FHOD3: variants seen among roughly 807,000 people sequenced by gnomAD.
FHOD3 encodes the protein FH1/FH2 domain-containing protein 3.
In FHOD3, 90 loss-of-function variants were observed where a neutral mutation model predicts 173.0. The observed-to-expected ratio is 0.52, with a 90% CI of 0.44 to 0.62. The LOEUF (loss-of-function observed/expected upper bound fraction) is 0.62, where lower values mean the gene tolerates loss of function less well. Among genes scored for constraint, FHOD3 ranks in the 20% least tolerant of loss-of-function variants. The probability of loss-of-function intolerance (pLI) is 0.00; values close to 1 mark genes in which losing one functional copy is unlikely to be tolerated. For synonymous variants in FHOD3, 828 were observed against 823.0 expected (o/e 1.01, Z -0.10); for missense variants, 1,945 against 2,034.7 (o/e 0.96, Z 0.85).
chr18:36,760,641 C>G lies in FHOD3; in HGVS notation c.4483C>G (p.Pro1495Ala), dbSNP rs199888159. ...GTTCTCCGGCAGTTCTCCGGCGCCC[C>G]CAAGCCAGCCGCAGGGTCTGAGCTA... ...GKFSGSSPAPPSQPQGLSYAE... is the reference protein window; with the variant it reads ...GKFSGSSPAPASQPQGLSYAE... Residue 1495 changes from proline (P) to alanine (A), a missense_variant, in exon 27 of 29, where the codon CCA becomes GCA. Physicochemically the swap from Pro to Ala is conservative, Grantham distance 27. This residue lies in a region of FHOD3 where 354 missense variants were observed against 359.9 expected (regional missense o/e 0.98). Coordinates refer to ENST00000590592, the MANE Select transcript of FHOD3 (RefSeq NM_001281740.3). 167 of 1,594,304 alleles carry G rather than the reference C, an allele frequency of 1.0e-4. No individual in the cohort carries two copies. The highest frequency in any genetic ancestry group is 5.5e-5 in the Non-Finnish European group (64 of 1,168,902).
At chr18:36,766,492 G>A (rs2043142935) in intron 27 of FHOD3, among the ~76,000 whole-genome samples, 1 of 152,134 alleles carries the variant, frequency 6.6e-6, no homozygotes. Flanking sequence ...TGGTCCCTTG[G>A]GTATGTAAAA....
chr18:36,630,112 A>G (rs2034405246), intron 10 of FHOD3, among the ~76,000 whole-genome samples: 1 of 152,292 alleles, frequency 6.6e-6, no homozygotes, highest in South Asian at 2.1e-4. Flanking sequence ...TGTTTTGGCT[A>G]TTGGAAAGGG....
chr18:36,643,221 A>G (rs2035457097), intron 10 of FHOD3, among the ~76,000 whole-genome samples: 1 of 152,072 alleles, frequency 6.6e-6, no homozygotes, highest in Non-Finnish European at 1.5e-5. Context: ...ATCCTAGTAC[A>G]CTGGTGCTTC....
At chr18:36,330,077 C>G (rs1261867238) in intron 1 of FHOD3, among the ~76,000 whole-genome samples, 2 of 152,122 alleles carry the variant, frequency 1.3e-5, no homozygotes, top group Non-Finnish European at 2.9e-5. Flanking sequence ...GCTTAGCATA[C>G]CCCCTGTACA....
chr18:36,461,827 T>A (rs1244852211), intron 3 of FHOD3, among the ~76,000 whole-genome samples: 1 of 152,132 alleles, frequency 6.6e-6, no homozygotes, highest in Non-Finnish European at 1.5e-5. Context: ...AAGGGGGTGA[T>A]GTAGTGGAAA....
chr18:36,772,756 G>C (rs1204594080), intron 28 of FHOD3, among the ~76,000 whole-genome samples: 1 of 152,178 alleles, frequency 6.6e-6, no homozygotes, highest in Non-Finnish European at 1.5e-5. Flanking sequence ...GCCAATCAGG[G>C]GCACATTGAG....
At chr18:36,558,786 T>C (rs1298147828) in intron 5 of FHOD3, among the ~76,000 whole-genome samples, 1 of 152,228 alleles carries the variant, frequency 6.6e-6, no homozygotes, top group Admixed American at 6.5e-5. Flanking sequence ...ATTAAAAATA[T>C]GTTAAAATAG....
At chr18:36,659,725 T>C (rs1299859265) in intron 14 of FHOD3, among the ~76,000 whole-genome samples, 4 of 152,160 alleles carry the variant, frequency 2.6e-5, no homozygotes, top group Non-Finnish European at 5.9e-5. Flanking sequence ...TGTGAAGTTA[T>C]AAAGTTATAC....
Position 36,512,513 on chromosome 18 carries a change from G to C in FHOD3, c.481G>C (p.Asp161His), listed in dbSNP as rs1332872582. ...TTTGATCAAGGTGGGAGCTGAGGCT[G>C]ATCAGAACTATCAGAACTACATCTT... ...TCLIKVGAEA[D>H]QNYQNYILRA... Residue 161 changes from aspartate to histidine, a missense_variant, in exon 5 of 29, where the codon GAT (aspartate) becomes CAT (histidine). Physicochemically the swap from Asp to His is moderately conservative, Grantham distance 81 (BLOSUM62 -1). Coordinates refer to ENST00000590592, the MANE Select transcript of FHOD3 (RefSeq NM_001281740.3). 1 of 1,614,028 alleles carries C rather than the reference G, an allele frequency of 6.2e-7. No individual in the cohort carries two copies. Among genetic ancestry groups the C allele is most frequent in the East Asian group, 2.2e-5 (1 of 44,868 alleles).
intron 1 of FHOD3, among the ~76,000 whole-genome samples, chr18:36,316,885 C>G (rs936670150): frequency 6.6e-6 from 1 of 152,214 alleles, no homozygotes; most frequent in South Asian, 2.1e-4. Context: ...CCCCCCACCC[C>G]CTGACAGGCC....
intron 5 of FHOD3, among the ~76,000 whole-genome samples, chr18:36,568,307 G>A (rs910366461): frequency 5.8e-5 from 7 of 121,014 alleles, no homozygotes; most frequent in African/African-American, 1.7e-4. Context: ...CAGCCTGGGC[G>A]ACAGAGCAGA....
rs752959012 is a variant in FHOD3, at chr18:36,681,560, A to G, written c.1960A>G (p.Asn654Asp). The G allele has an allele frequency of 1.9e-6, 3 of 1,613,430 alleles. No homozygotes were observed. Among genetic ancestry groups the G allele is most frequent in the Non-Finnish European group, 2.5e-6 (3 of 1,179,706 alleles). Residue 654 changes from asparagine to aspartate, a missense_variant, in exon 15 of 29, where the codon AAC (asparagine) becomes GAC (aspartate). This residue lies in a region of FHOD3 where 1,099 missense variants were observed against 1,051.2 expected (regional missense o/e 1.05). Transcript: ENST00000590592. ...GCAGAGAATAGAGCGGGAAGAAAGA[A>G]ACAAATTCAGGTAAGAAGGATCTTA... ...RLQRIEREER[N>D]KFSRDYLDKR...
intron 5 of FHOD3, among the ~76,000 whole-genome samples, chr18:36,536,649 A>G (rs2057007036): frequency 6.6e-6 from 1 of 152,118 alleles, no homozygotes; most frequent in Non-Finnish European, 1.5e-5. Context: ...ACTGAGGCAG[A>G]GTGGGCCTGA....
At chr18:36,373,920 A>G (rs2047312980) in intron 3 of FHOD3, among the ~76,000 whole-genome samples, 1 of 152,224 alleles carries the variant, frequency 6.6e-6, no homozygotes. Flanking sequence ...ACGACTTTGG[A>G]TAAACTTCCC....
At chr18:36,618,727 C>A (rs1428546626) in intron 9 of FHOD3, among the ~76,000 whole-genome samples, 2 of 152,202 alleles carry the variant, frequency 1.3e-5, no homozygotes, top group African/African-American at 4.8e-5. Flanking sequence ...AGCTCCTCCC[C>A]ACCCCATCCC....
intron 3 of FHOD3, among the ~76,000 whole-genome samples, chr18:36,477,457 G>A (rs1054815044): frequency 6.6e-6 from 1 of 151,820 alleles, no homozygotes; most frequent in African/African-American, 2.4e-5. Flanking sequence ...TAGCCAAAAT[G>A]TGTGTGTGTA....
Position 36,709,257 on chromosome 18 carries a change from C to T in FHOD3, c.2399C>T (p.Ser800Phe). The change falls in exon 18 of 29, where the codon TCC becomes TTC. Residue 800 changes from serine (S) to phenylalanine (F), a missense_variant. By Grantham distance (155) the Ser-to-Phe change is radical. Around this residue, in one of 5 missense-constraint regions of FHOD3, gnomAD observed 1,099 missense variants for 1,051.2 expected, o/e 1.05. Transcript: ENST00000590592. ...ALEQEPEERASLSEKERQNEG... is the reference protein window; with the variant it reads ...ALEQEPEERAFLSEKERQNEG... ...GAGCAAGAGCCGGAAGAAAGAGCCT[C>T]CCTCAGTGAAAAAGAGAGGCAGAAC... 6.2e-7 allele frequency: 1 copy of T among 1,614,158 alleles called. No homozygotes were observed.
chr18:36,363,674 GCA>G (rs2046746423), intron 2 of FHOD3, among the ~76,000 whole-genome samples: 1 of 152,020 alleles, frequency 6.6e-6, no homozygotes, highest in African/African-American at 2.4e-5. Context: ...AACAGGTGGA[GCA>G]CAGGGGATCT....
rs531543408 is a variant in FHOD3, at chr18:36,604,763, T to G, written c.813+1995T>G. On this transcript the variant is annotated intron_variant, in intron 8 of 28. Coordinates refer to ENST00000590592, the MANE Select transcript of FHOD3 (RefSeq NM_001281740.3). ...TCCAGAGGAAGAGATTTAACTATTTTACTGCATAAAATTTTAAAAGATCTT... is the reference window on the plus strand; with the variant it reads ...TCCAGAGGAAGAGATTTAACTATTTGACTGCATAAAATTTTAAAAGATCTT... Among the ~76,000 whole-genome samples the G allele has an allele frequency of 6.0e-4, 92 of 152,358 alleles. 1 individual carries two copies. The highest frequency in any genetic ancestry group is 2.2e-3 in the African/African-American group (91 of 41,584).
Sources: allele counts gnomAD v4.1 joint callset (sites outside exome capture counted in the v4.1 genomes callset), GRCh38; gene constraint gnomAD v4.1.1; regional missense constraint gnomAD v4.1.1; transcripts MANE v1.5; gene names NCBI Gene and HGNC (gene_info 2026-07-23, HGNC 2026-07-21).